The following CLNK variants were observed in gnomAD, a reference collection of about 807,000 sequenced individuals.
CLNK encodes cytokine dependent hematopoietic cell linker.
Under a neutral mutation model 68.6 loss-of-function variants are expected in CLNK, and 74 were observed. The ratio of observed to expected loss-of-function variants is 1.08; its 90% confidence interval spans 0.89 to 1.31. CLNK has a LOEUF of 1.31. Ranked by LOEUF, CLNK falls within the 50% of genes most tolerant of loss-of-function variation. The pLI, the probability that CLNK is intolerant of heterozygous loss-of-function variation, is 0.00. For synonymous variants in CLNK, 198 were observed against 172.2 expected (o/e 1.15, Z -1.17); for missense variants, 553 against 515.3 (o/e 1.07, Z -0.71).
the CLNK span, among the ~76,000 whole-genome samples, chr4:10,691,280 G>A: frequency 6.6e-6 from 1 of 152,098 alleles, no homozygotes; most frequent in Non-Finnish European, 1.5e-5. Context: ...CCTTGAGGGT[G>A]GCCACAGTTA....
chr4:10,659,101 G>A (rs766806844), intron 2 of CLNK, among the ~76,000 whole-genome samples: 14 of 152,286 alleles, frequency 9.2e-5, no homozygotes, highest in South Asian at 8.3e-4. Flanking sequence ...CTACTCAGGA[G>A]GCTGAGGCAG....
chr4:10,558,558 C>A, intron 7 of CLNK, 106 bp from the exon 8 acceptor site: 1 of 1,019,058 alleles, frequency 9.8e-7, no homozygotes, highest in Non-Finnish European at 1.5e-6. Flanking sequence ...AGCCGTAAGT[C>A]CCTGGGCTCT....
chr4:10,663,604 A>G (rs1724278206), intron 2 of CLNK, among the ~76,000 whole-genome samples: 1 of 152,238 alleles, frequency 6.6e-6, no homozygotes, highest in African/African-American at 2.4e-5. Context: ...CTGCATACAT[A>G]TACATGCATA....
chr4:10,723,490 C>G, the CLNK span, among the ~76,000 whole-genome samples: 329 of 152,256 alleles, frequency 2.2e-3, 1 homozygote, highest in African/African-American at 7.6e-3. Context: ...TGAATAGGCT[C>G]TTGTCTCAGA....
intron 8 of CLNK, 51 bp from the exon 9 acceptor site, chr4:10,542,331 A>G: frequency 8.3e-7 from 1 of 1,210,674 alleles, no homozygotes; most frequent in Non-Finnish European, 1.2e-6. Flanking sequence ...GTCATCAAGC[A>G]TTGATTTTAT....
chr4:10,595,770 C>T (rs962951477), intron 3 of CLNK, among the ~76,000 whole-genome samples: 1 of 152,184 alleles, frequency 6.6e-6, no homozygotes. Context: ...GTTATTCACC[C>T]TCTCTGGGCT....
Position 10,598,158 on chromosome 4 carries a change from T to C in CLNK, c.12-109A>G. ...GAGCCACCCAGTCAGATTTAAGTAA[T>C]TATGTCTCACACATAATTCTGAATC... On this transcript the variant is annotated intron_variant, in intron 2 of 18. Coordinates refer to ENST00000226951, the MANE Select transcript of CLNK (RefSeq NM_052964.4). 4 of 713,136 alleles carry C rather than the reference T, an allele frequency of 5.6e-6. No homozygotes were observed. In the South Asian group the frequency reaches 7.1e-5, roughly 13 times the overall value. 44.2% of individuals were successfully genotyped at this position (713,136 alleles called of 1,614,324 possible).
At chr4:10,537,686 C>T (rs201722732) in intron 11 of CLNK, among the ~76,000 whole-genome samples, 325 of 14,038 alleles carry the variant, frequency 0.023, 7 homozygotes, top group Admixed American at 0.05. Context: ...TTTCTTCCTT[C>T]CTTCCTTCCT....
At chr4:10,649,422 G>T (rs144937413) in intron 2 of CLNK, among the ~76,000 whole-genome samples, 6 of 152,296 alleles carry the variant, frequency 3.9e-5, no homozygotes, top group Non-Finnish European at 8.8e-5. Flanking sequence ...CTCCTTGGTT[G>T]CTTTGCCAAC....
intron 2 of CLNK, among the ~76,000 whole-genome samples, chr4:10,609,793 A>C (rs1008203172): frequency 6.6e-6 from 1 of 152,196 alleles, no homozygotes; most frequent in Non-Finnish European, 1.5e-5. Context: ...ATCTCAAAGC[A>C]TGAAGCTGGG....
At chr4:10,654,405 A>ATATATATATAT (rs1367370247) in intron 2 of CLNK, among the ~76,000 whole-genome samples, 17 of 117,052 alleles carry the variant, frequency 1.5e-4, no homozygotes, top group East Asian at 2.6e-4. Context: ...ATATATATAG[A>ATATATATATAT]AAGTCTCTTG....
In CLNK at chr4:10,528,100, T is replaced by A; in HGVS notation, c.631-6A>T. On this transcript the variant is annotated splice_region_variant and splice_polypyrimidine_tract_variant and intron_variant, in intron 12 of 18. Transcript: ENST00000226951. Reference sequence around the variant, plus strand: ...CCTTTTTCTGCTTCAAGGACCTGTATTGAATTAAAAAAAATAAAATTTACT... The same window carrying A: ...CCTTTTTCTGCTTCAAGGACCTGTAATGAATTAAAAAAAATAAAATTTACT... The A allele has an allele frequency of 7.6e-7, 1 of 1,314,202 alleles. No homozygotes were observed. The allele number at this position is 1,314,202 out of a possible 1,614,324, so 81.4% of individuals were successfully genotyped here.
chr4:10,647,132 T>C (rs564972952), intron 2 of CLNK, among the ~76,000 whole-genome samples: 32 of 152,300 alleles, frequency 2.1e-4, no homozygotes, highest in African/African-American at 7.5e-4. Context: ...CCCTACTAAG[T>C]GGGTCCAGTC....
chr4:10,663,872 G>C (rs1393519060), intron 2 of CLNK, among the ~76,000 whole-genome samples: 3 of 152,134 alleles, frequency 2.0e-5, no homozygotes, highest in Non-Finnish European at 4.4e-5. Context: ...CCTTATAAAA[G>C]AGGTCCCAGA....
intron 2 of CLNK, among the ~76,000 whole-genome samples, chr4:10,603,308 C>T (rs895568196): frequency 6.6e-6 from 1 of 152,178 alleles, no homozygotes; most frequent in East Asian, 1.9e-4. Flanking sequence ...TAAGGTATAG[C>T]ACCATCATTA....
chr4:10,514,519 A>C (rs2109040141), intron 15 of CLNK, among the ~76,000 whole-genome samples: 1 of 143,988 alleles, frequency 6.9e-6, no homozygotes, highest in African/African-American at 2.6e-5. Context: ...CCTATTTAAT[A>C]AATGGTGCTG....
chr4:10,685,930 T>C (rs1016379401), upstream of CLNK, among the ~76,000 whole-genome samples: 1 of 152,200 alleles, frequency 6.6e-6, no homozygotes, highest in Non-Finnish European at 1.5e-5. Context: ...TAGTTCATAA[T>C]TGTGTGTGTC....
chr4:10,676,970 T>C (rs1407551399), intron 1 of CLNK, among the ~76,000 whole-genome samples: 1 of 126,494 alleles, frequency 7.9e-6, no homozygotes, highest in East Asian at 2.4e-4. Flanking sequence ...TTTACCTCTG[T>C]CTCGCCCCTA....
At position 10,647,263 on chromosome 4, in the gene CLNK, AAAG is replaced by A. The variant is rs1210665578; in HGVS notation, c.11+20593_11+20595del. On this transcript the variant is annotated intron_variant, in intron 2 of 18. Coordinates refer to ENST00000226951, the MANE Select transcript of CLNK (RefSeq NM_052964.4). Reference sequence around the variant, plus strand: ...ATTTCCCTCTGTGACTATCTGGTGAAAAGTGGGGACTTAGTACCTGCTATCACA... The same window carrying A: ...ATTTCCCTCTGTGACTATCTGGTGAATGGGGACTTAGTACCTGCTATCACA... Among the ~76,000 whole-genome samples, 14 of 152,294 alleles carry A rather than the reference AAAG, an allele frequency of 9.2e-5. No homozygotes were observed. In the East Asian group the frequency reaches 9.6e-4, roughly 10 times the overall value.
Sources: gnomAD v4.1 joint callset for allele counts (sites outside exome capture counted in the v4.1 genomes callset) on GRCh38, gnomAD v4.1.1 for gene constraint, MANE v1.5 for transcripts, NCBI Gene and HGNC (gene_info 2026-07-23, HGNC 2026-07-21) for gene names.